LRP1B: variants seen among roughly 807,000 people sequenced by gnomAD.
LRP1B encodes the protein low-density lipoprotein receptor-related protein 1B.
Under a neutral mutation model 556.6 loss-of-function variants are expected in LRP1B, and 217 were observed. The observed-to-expected ratio is 0.39, with a 90% CI of 0.35 to 0.44. The LOEUF (loss-of-function observed/expected upper bound fraction) is 0.44. Among genes scored for constraint, LRP1B ranks in the 20% least tolerant of loss-of-function variants. The probability of loss-of-function intolerance (pLI) is 1.00; values close to 1 mark genes in which losing one functional copy is unlikely to be tolerated. For synonymous variants in LRP1B, 2,047 were observed against 1,865.8 expected (o/e 1.10, Z -2.50); for missense variants, 5,053 against 5,620.8 (o/e 0.90, Z 3.23).
intron 46 of LRP1B, among the ~76,000 whole-genome samples, chr2:140,536,081 G>T (rs1690951226): frequency 6.6e-6 from 1 of 152,080 alleles, no homozygotes; most frequent in Admixed American, 6.6e-5. Flanking sequence ...TTTAAAGAAA[G>T]TAAGCCTAAA....
intron 17 of LRP1B, among the ~76,000 whole-genome samples, chr2:140,983,541 C>T (rs1295967041): frequency 6.6e-6 from 1 of 152,064 alleles, no homozygotes; most frequent in African/African-American, 2.4e-5. Flanking sequence ...ATTAGGGCTT[C>T]AGAAATCATT....
rs547489251 is a variant in LRP1B at position 141,712,462 on chromosome 2, C to T, written c.205+97817G>A. Reference sequence around the variant, plus strand: ...CAAGTATAGGTCATGTTATCTTTAGCCCAAAGGAGTGGCCGTGGGATCCTG... The same window carrying T: ...CAAGTATAGGTCATGTTATCTTTAGTCCAAAGGAGTGGCCGTGGGATCCTG... On this transcript the variant is annotated intron_variant, in intron 2 of 90. Transcript: ENST00000389484. Among the ~76,000 whole-genome samples the T allele has an allele frequency of 1.4e-4, 21 of 152,082 alleles. No individual in the cohort carries two copies. In the South Asian group the frequency reaches 3.7e-3, roughly 27 times the overall value.
intron 32 of LRP1B, among the ~76,000 whole-genome samples, chr2:140,792,533 C>T (rs901822964): frequency 1.3e-5 from 2 of 152,062 alleles, no homozygotes; most frequent in African/African-American, 4.8e-5. Flanking sequence ...TTCAGTAGAC[C>T]TTGTTCTAAA....
chr2:140,468,263 G>T (rs183271115), intron 60 of LRP1B, among the ~76,000 whole-genome samples: 1 of 152,274 alleles, frequency 6.6e-6, no homozygotes, highest in East Asian at 1.9e-4. Context: ...GTAAGTCTTG[G>T]TGAGGTTCAC....
At chr2:141,134,613 T>C (rs1024613739) in intron 7 of LRP1B, among the ~76,000 whole-genome samples, 7 of 150,260 alleles carry the variant, frequency 4.7e-5, no homozygotes, top group Admixed American at 1.3e-4. Context: ...ATTCATTAAA[T>C]GGAAAAAAAA....
At chr2:141,992,055 C>T (rs970457746) in intron 1 of LRP1B, among the ~76,000 whole-genome samples, 3 of 152,072 alleles carry the variant, frequency 2.0e-5, no homozygotes, top group Non-Finnish European at 4.4e-5. Flanking sequence ...GCATACAGCC[C>T]ACAGCGCATC....
intron 1 of LRP1B, among the ~76,000 whole-genome samples, chr2:141,984,972 C>T (rs1240262125): frequency 1.3e-5 from 2 of 152,034 alleles, no homozygotes; most frequent in African/African-American, 4.8e-5. Flanking sequence ...GCCAGATTCT[C>T]TTTGGGAAAG....
At chr2:140,736,605 C>T (rs1687954256) in intron 35 of LRP1B, among the ~76,000 whole-genome samples, 1 of 152,052 alleles carries the variant, frequency 6.6e-6, no homozygotes, top group Admixed American at 6.6e-5. Context: ...TTTGACAAAC[C>T]TGACAAAAAT....
chr2:141,936,803 T>C (rs1452394277), intron 1 of LRP1B, among the ~76,000 whole-genome samples: 1 of 152,208 alleles, frequency 6.6e-6, no homozygotes, highest in Non-Finnish European at 1.5e-5. Flanking sequence ...TTCAGTGTTA[T>C]TCAAGGAACA....
intron 2 of LRP1B, among the ~76,000 whole-genome samples, chr2:141,614,269 A>G (rs1036915664): frequency 6.6e-6 from 1 of 152,124 alleles, no homozygotes; most frequent in African/African-American, 2.4e-5. Context: ...ACACACTTTG[A>G]AAAATTCCAT....
intron 1 of LRP1B, among the ~76,000 whole-genome samples, chr2:141,819,399 C>T (rs1696680508): frequency 2.0e-5 from 3 of 152,164 alleles, no homozygotes; most frequent in South Asian, 2.1e-4. Flanking sequence ...TTCTAGAGGG[C>T]AAGGGGTTCT....
At chr2:141,372,920 G>A (rs774371549) in intron 3 of LRP1B, among the ~76,000 whole-genome samples, 11 of 151,794 alleles carry the variant, frequency 7.2e-5, no homozygotes, top group African/African-American at 1.7e-4. Context: ...GATTTGGTTC[G>A]TTCTTGTTTT....
chr2:141,367,888 A>C (rs4954901), intron 3 of LRP1B, among the ~76,000 whole-genome samples: 92,663 of 151,618 alleles, frequency 0.61, 29,338 homozygotes, highest in African/African-American at 0.71. Context: ...AAGTAACAGA[A>C]CTCTTGTCAA....
intron 1 of LRP1B, among the ~76,000 whole-genome samples, chr2:142,086,640 C>CAAACAAA (rs1366239561): frequency 4.1e-5 from 6 of 147,662 alleles, no homozygotes; most frequent in Middle Eastern, 3.2e-3. Context: ...AACAAACAAA[C>CAAACAAA]AAAAAAAAAA....
rs1701981790 is a variant in LRP1B at position 141,153,419 on chromosome 2, A to T, written c.1013+35002T>A. ...TTTATATATATTATATATTAGCTAT[A>T]TATATTTATATATAATATATTATAT... is the stretch of plus-strand genomic sequence containing the variant. On this transcript the variant is annotated intron_variant, in intron 7 of 90. Coordinates refer to ENST00000389484, the MANE Select transcript of LRP1B (RefSeq NM_018557.3). 1.7e-5 allele frequency among the ~76,000 whole-genome samples: 2 copies of T among 121,032 alleles called. 1 individual carries two copies. Among genetic ancestry groups the T allele is most frequent in the Non-Finnish European group, 3.3e-5 (2 of 61,334 alleles). 79.4% of individuals were successfully genotyped at this position (121,032 alleles called of 152,430 possible). A position where few individuals can be genotyped will look rare whatever the true frequency, so the allele number is the denominator to read the frequency against.
chr2:140,999,934 T>C (rs1169395683), intron 15 of LRP1B, among the ~76,000 whole-genome samples: 3 of 151,988 alleles, frequency 2.0e-5, no homozygotes, highest in African/African-American at 7.2e-5. Context: ...ATTTTTGAGA[T>C]GGGGTCTTGC....
At chr2:140,683,974 G>C (rs1419917784) in intron 41 of LRP1B, 1 of 326,606 alleles carries the variant, frequency 3.1e-6, no homozygotes, top group Non-Finnish European at 5.8e-6. Flanking sequence ...GGCAAAGCCC[G>C]CAGTTACTTT....
At chr2:141,330,560 T>C (rs1687600748) in intron 3 of LRP1B, among the ~76,000 whole-genome samples, 1 of 152,204 alleles carries the variant, frequency 6.6e-6, no homozygotes, top group Non-Finnish European at 1.5e-5. Context: ...GTTCTTTTCC[T>C]AACTCCAGAT....
intron 1 of LRP1B, among the ~76,000 whole-genome samples, chr2:141,959,043 C>G (rs189536840): frequency 1.6e-4 from 25 of 152,128 alleles, no homozygotes; most frequent in Middle Eastern, 3.4e-3. Context: ...GCCTTACCAT[C>G]TAACTTTAAC....
Sources: allele counts gnomAD v4.1 joint callset (sites outside exome capture counted in the v4.1 genomes callset), GRCh38; gene constraint gnomAD v4.1.1; transcripts MANE v1.5; gene names NCBI Gene and HGNC (gene_info 2026-07-23, HGNC 2026-07-21).